Variants in CABLES1 observed in about 807,000 individuals in gnomAD.
The protein encoded by CABLES1 is CDK5 and ABL1 enzyme substrate 1.
A neutral mutation model predicts 57.8 loss-of-function variants in CABLES1; 36 were observed. That is an observed-to-expected ratio of 0.62 (90% confidence interval 0.48 to 0.82). The LOEUF (loss-of-function observed/expected upper bound fraction) is 0.82, where lower values mean the gene tolerates loss of function less well. CABLES1 is among the 40% of genes least tolerant of loss of function. CABLES1 has a pLI of 0.00. For missense variants in CABLES1, 767 were observed against 836.6 expected (o/e 0.92, Z 1.03); for synonymous variants, 374 against 363.0 (o/e 1.03, Z -0.35).
intron 1 of CABLES1, among the ~76,000 whole-genome samples, chr18:23,169,584 C>G (rs562110033): frequency 6.6e-6 from 1 of 152,312 alleles, no homozygotes; most frequent in South Asian, 2.1e-4. Context: ...CCCCTTCCCC[C>G]AGCTCAACCA....
chr18:23,188,902 C>A lies in CABLES1; in HGVS notation c.910C>A (p.Leu304Ile). 6.2e-7 allele frequency: 1 copy of A among 1,610,390 alleles called. No homozygotes were observed. Among genetic ancestry groups the A allele is most frequent in the Non-Finnish European group, 8.5e-7 (1 of 1,177,020 alleles). Residue 304 changes from leucine to isoleucine, a missense_variant, in exon 2 of 10, where the codon CTC becomes ATC. Around this residue, in one of 4 missense-constraint regions of CABLES1, gnomAD observed 529 missense variants for 622.8 expected, o/e 0.85. Transcript: ENST00000256925. ...TLEDIEENAP[L>I]RRCRTLSGSP... Reference sequence around the variant, plus strand: ...GGAAGATATTGAGGAGAACGCCCCTCTCCGGAGGTAATTTTCTGTTTCATT... The same window carrying A: ...GGAAGATATTGAGGAGAACGCCCCTATCCGGAGGTAATTTTCTGTTTCATT...
chr18:23,148,737 C>T (rs1475076701), intron 1 of CABLES1, among the ~76,000 whole-genome samples: 5 of 152,108 alleles, frequency 3.3e-5, no homozygotes, highest in Admixed American at 6.5e-5. Context: ...TGTGACCTCA[C>T]GGTGGGTGCA....
At chr18:23,194,890 G>A (rs117951138) in intron 3 of CABLES1, among the ~76,000 whole-genome samples, 1,736 of 152,238 alleles carry the variant, frequency 0.011, 19 homozygotes, top group Non-Finnish European at 0.016. Context: ...TTTTGTTTTC[G>A]TTTTTCACTA....
At chr18:23,245,508 A>G (rs2047853788) in intron 7 of CABLES1, among the ~76,000 whole-genome samples, 1 of 151,920 alleles carries the variant, frequency 6.6e-6, no homozygotes, top group Admixed American at 6.6e-5. Context: ...TGTCTCAAAA[A>G]AAAAAAAAAA....
Position 23,175,245 on chromosome 18 carries a change from A to G in CABLES1, c.846-13593A>G, listed in dbSNP as rs143931906. ...AGTGATTGAGATATAAGTCAATATTATACTCTCAAGTTTATAAAATGTATA... is the reference window on the plus strand; with the variant it reads ...AGTGATTGAGATATAAGTCAATATTGTACTCTCAAGTTTATAAAATGTATA... On this transcript the variant is annotated intron_variant, in intron 1 of 9. Transcript: ENST00000256925. Among the ~76,000 whole-genome samples the G allele has an allele frequency of 2.1e-4, 32 of 152,324 alleles. No homozygotes were observed. The East Asian group carries it at 6.2e-3, about 29-fold the overall frequency.
chr18:23,244,343 C>T (rs1055022640), intron 7 of CABLES1, among the ~76,000 whole-genome samples: 2 of 152,246 alleles, frequency 1.3e-5, no homozygotes, highest in Non-Finnish European at 2.9e-5. Context: ...CTGTGTTCCT[C>T]TCCGTGTGCA....
chr18:23,141,939 G>T (rs961721124), intron 1 of CABLES1, among the ~76,000 whole-genome samples: 4 of 152,222 alleles, frequency 2.6e-5, no homozygotes, highest in Non-Finnish European at 4.4e-5. Flanking sequence ...AGGAGGCAGT[G>T]CAGTTGAGCC....
chr18:23,233,335 A>C (rs1414259624), intron 4 of CABLES1, among the ~76,000 whole-genome samples: 1 of 152,060 alleles, frequency 6.6e-6, no homozygotes, highest in African/African-American at 2.4e-5. Flanking sequence ...GTTACACCTG[A>C]GCATAGGTCC....
At chr18:23,146,702 T>A (rs549216668) in intron 1 of CABLES1, among the ~76,000 whole-genome samples, 52 of 152,332 alleles carry the variant, frequency 3.4e-4, no homozygotes, top group African/African-American at 9.4e-4. Flanking sequence ...AGTACTTTTT[T>A]AAAAATCAAG....
intron 1 of CABLES1, among the ~76,000 whole-genome samples, chr18:23,184,763 G>A (rs897449549): frequency 6.6e-6 from 1 of 152,136 alleles, no homozygotes; most frequent in East Asian, 1.9e-4. Flanking sequence ...TGAAGGCTAG[G>A]TCACTATCTG....
chr18:23,156,996 G>A (rs1390798965), intron 1 of CABLES1, among the ~76,000 whole-genome samples: 1 of 152,224 alleles, frequency 6.6e-6, no homozygotes, highest in Non-Finnish European at 1.5e-5. Flanking sequence ...AGGAATCTGT[G>A]TGTTGGGTGA....
intron 1 of CABLES1, among the ~76,000 whole-genome samples, chr18:23,136,992 A>G (rs1732301083): frequency 6.6e-6 from 1 of 152,192 alleles, no homozygotes; most frequent in South Asian, 2.1e-4. Flanking sequence ...GGCCGGGCGC[A>G]GAGTGGAGCA....
In CABLES1 at chr18:23,176,016, A is replaced by G. The variant is rs117861521; in HGVS notation, c.846-12822A>G. On this transcript the variant is annotated intron_variant, in intron 1 of 9. Coordinates refer to ENST00000256925, the MANE Select transcript of CABLES1 (RefSeq NM_001100619.3). The stretch of plus-strand genomic sequence containing the variant: ...TTTCCAAATGTAATAAAGATACCAA[A>G]TGTTGTAGGAATTCAGAAAATGTCA... Among the ~76,000 whole-genome samples the G allele has an allele frequency of 3.2e-3, 489 of 152,376 alleles. 2 individuals carry two copies. Among genetic ancestry groups the G allele is most frequent in the Non-Finnish European group, 5.7e-3 (389 of 68,036 alleles).
At chr18:23,176,894 C>T (rs1271590731) in intron 1 of CABLES1, among the ~76,000 whole-genome samples, 2 of 152,050 alleles carry the variant, frequency 1.3e-5, no homozygotes, top group Non-Finnish European at 2.9e-5. Flanking sequence ...TTACTGGCGT[C>T]CTCCCTAGGA....
At chr18:23,151,678 G>T (rs2046931678) in intron 1 of CABLES1, among the ~76,000 whole-genome samples, 1 of 152,192 alleles carries the variant, frequency 6.6e-6, no homozygotes, top group Non-Finnish European at 1.5e-5. Context: ...GGATTGGACT[G>T]CACTGTGGCA....
At chr18:23,141,490 C>T (rs1215054440) in intron 1 of CABLES1, among the ~76,000 whole-genome samples, 1 of 152,202 alleles carries the variant, frequency 6.6e-6, no homozygotes, top group South Asian at 2.1e-4. Flanking sequence ...AGCCACCTGA[C>T]CCCTCAGGAT....
At chr18:23,232,842 G>GA (rs996099642) in intron 4 of CABLES1, among the ~76,000 whole-genome samples, 1 of 152,178 alleles carries the variant, frequency 6.6e-6, no homozygotes, top group African/African-American at 2.4e-5. Context: ...CAGAGACTAG[G>GA]ATGATGGCTC....
intron 3 of CABLES1, among the ~76,000 whole-genome samples, chr18:23,209,624 T>C (rs989838567): frequency 2.0e-5 from 3 of 152,222 alleles, no homozygotes; most frequent in Admixed American, 2.0e-4. Flanking sequence ...CCTCTGCCTC[T>C]TGGACTTGGT....
intron 1 of CABLES1, among the ~76,000 whole-genome samples, chr18:23,183,236 T>C (rs1158149788): frequency 1.3e-5 from 2 of 152,244 alleles, no homozygotes; most frequent in Non-Finnish European, 1.5e-5. Context: ...CCACAGGTTC[T>C]TCTGTGTACT....
Sources: allele counts gnomAD v4.1 joint callset (sites outside exome capture counted in the v4.1 genomes callset), GRCh38; gene constraint gnomAD v4.1.1; regional missense constraint gnomAD v4.1.1; transcripts MANE v1.5; gene names NCBI Gene and HGNC (gene_info 2026-07-23, HGNC 2026-07-21).